COMMD8: variants seen among roughly 807,000 people sequenced by gnomAD.
COMMD8 encodes the protein COMM domain containing 8.
Under a neutral mutation model 27.2 loss-of-function variants are expected in COMMD8, and 28 were observed. The observed-to-expected ratio is 1.03, with a 90% CI of 0.76 to 1.41. COMMD8 has a LOEUF of 1.41. Among genes scored for constraint, COMMD8 ranks in the 40% most tolerant of loss-of-function variants. COMMD8 has a pLI of 0.00. For missense variants in COMMD8, 217 were observed against 211.2 expected (o/e 1.03, Z -0.17); for synonymous variants, 79 against 75.5 (o/e 1.05, Z -0.24).
Position 47,451,396 on chromosome 4 carries a change from C to A in COMMD8, c.*249G>T. 1 of 396,006 alleles carries A rather than the reference C, an allele frequency of 2.5e-6. No individual in the cohort carries two copies. The highest frequency in any genetic ancestry group is 4.5e-6 in the Non-Finnish European group (1 of 223,598). 24.5% of individuals were successfully genotyped at this position (396,006 alleles called of 1,614,324 possible). A position where few individuals can be genotyped will look rare whatever the true frequency, so the allele number is the denominator to read the frequency against. ...TTTCTCAAATATTTAATAAATGAGGCAAAACAATCATGAAAATATAAACTG... is the reference window on the plus strand; with the variant it reads ...TTTCTCAAATATTTAATAAATGAGGAAAAACAATCATGAAAATATAAACTG... On this transcript the variant is annotated 3_prime_UTR_variant, in exon 5 of 5. Transcript: ENST00000381571.
chr4:47,453,979 T>G lies in COMMD8; in HGVS notation c.376-765A>C, dbSNP rs1729823122. 2.0e-5 allele frequency among the ~76,000 whole-genome samples: 3 copies of G among 152,174 alleles called. No individual in the cohort carries two copies. In the South Asian group the frequency reaches 6.2e-4, roughly 31 times the overall value. ...TAATGACCTCAAAGGATCTCCCTTG[T>G]GGTACATACACTATAGAATCAAATC... On this transcript the variant is annotated intron_variant, in intron 3 of 4. Transcript: ENST00000381571.
At chr4:47,459,592 A>G (rs1729969996) in intron 2 of COMMD8, among the ~76,000 whole-genome samples, 1 of 152,192 alleles carries the variant, frequency 6.6e-6, no homozygotes, top group African/African-American at 2.4e-5. Flanking sequence ...TACACTAACT[A>G]GATCCATGTT....
At chr4:47,454,608 G>A (rs58507357) in intron 3 of COMMD8, among the ~76,000 whole-genome samples, 2,244 of 152,250 alleles carry the variant, frequency 0.015, 51 homozygotes, top group African/African-American at 0.051. Flanking sequence ...GCTCACGCCT[G>A]TAATCCCAGC....
intron 3 of COMMD8, 67 bp from the exon 4 acceptor site, chr4:47,453,281 G>C: frequency 1.5e-6 from 2 of 1,321,684 alleles, no homozygotes; most frequent in East Asian, 2.4e-5. Flanking sequence ...ATACATCAGA[G>C]GTTAGTTAGC....
intron 2 of COMMD8, chr4:47,459,922 T>C (rs754484971): frequency 2.3e-5 from 9 of 391,834 alleles, no homozygotes; most frequent in African/African-American, 4.2e-5. Context: ...AGTTATATAA[T>C]TTCTTGTTTT....
rs1238893740 is a variant in COMMD8 at position 47,463,620 on chromosome 4, C to A, written c.32G>T (p.Arg11Leu). The A allele has an allele frequency of 6.5e-7, 1 of 1,548,650 alleles. No homozygotes were observed. Among genetic ancestry groups the A allele is most frequent in the East Asian group, 2.4e-5 (1 of 40,856 alleles). The change falls in exon 1 of 5, where the codon CGG becomes CTG. Residue 11 changes from arginine (R) to leucine (L), a missense_variant. By Grantham distance (102) the Arg-to-Leu change is moderately radical (BLOSUM62 -2). Transcript: ENST00000381571. ...CAGCTCGGCCGGCAGCTTCTGCAGC[C>A]GCCACAAGGGCGTCCCCTCTTCCGG... is the stretch of plus-strand genomic sequence containing the variant. Reference protein sequence around the residue: MEPEEGTPLWRLQKLPAELGP... With the variant: MEPEEGTPLWLLQKLPAELGP...
At chr4:47,459,384 T>C (rs2109357197) in intron 2 of COMMD8, among the ~76,000 whole-genome samples, 1 of 152,210 alleles carries the variant, frequency 6.6e-6, no homozygotes, top group East Asian at 1.9e-4. Flanking sequence ...GGAAGAAGGA[T>C]ATCCTATGAC....
intron 1 of COMMD8, among the ~76,000 whole-genome samples, chr4:47,460,891 A>G (rs1040572984): frequency 6.6e-6 from 1 of 152,168 alleles, no homozygotes; most frequent in African/African-American, 2.4e-5. Context: ...TAGTATCTTA[A>G]TATCAGCAAC....
intron 3 of COMMD8, among the ~76,000 whole-genome samples, chr4:47,454,439 G>C (rs1729834160): frequency 6.6e-6 from 1 of 152,048 alleles, no homozygotes; most frequent in Non-Finnish European, 1.5e-5. Flanking sequence ...TTAAGTTCCT[G>C]GTCATTCTTT....
Position 47,463,655 on chromosome 4 carries a change from T to G in COMMD8, c.-4A>C, listed in dbSNP as rs746651945. The stretch of plus-strand genomic sequence containing the variant: ...GCGTCCCCTCTTCCGGCTCCATCCC[T>G]GCGCGAAGCTGGGGCTTGGGTCACG... On this transcript the variant is annotated 5_prime_UTR_variant, in exon 1 of 5. Transcript: ENST00000381571. 1.3e-6 allele frequency: 2 copies of G among 1,547,926 alleles called. No homozygotes were observed. The highest frequency in any genetic ancestry group is 8.7e-7 in the Non-Finnish European group (1 of 1,145,654).
At chr4:47,460,018 C>A in intron 2 of COMMD8, 126 bp downstream of exon 2, 1 of 689,492 alleles carries the variant, frequency 1.5e-6, no homozygotes, top group Non-Finnish European at 2.2e-6. Flanking sequence ...CAGATTTTTC[C>A]ATTCACAATT....
chr4:47,458,068 A>C (rs1348067857), intron 2 of COMMD8, among the ~76,000 whole-genome samples: 1 of 152,112 alleles, frequency 6.6e-6, no homozygotes, highest in Non-Finnish European at 1.5e-5. Flanking sequence ...CATAAAATTC[A>C]ATATCCATTC....
intron 4 of COMMD8, 21 bp from the exon 5 acceptor site, chr4:47,451,686 G>T (rs1729757563): frequency 6.4e-7 from 1 of 1,557,246 alleles, no homozygotes. Flanking sequence ...AAATTGAAGA[G>T]AAAATATCAG....
At chr4:47,454,731 G>C (rs1372047606) in intron 3 of COMMD8, among the ~76,000 whole-genome samples, 2 of 151,738 alleles carry the variant, frequency 1.3e-5, no homozygotes, top group Admixed American at 1.3e-4. Context: ...CAGGCGTGGT[G>C]GCACATGCCT....
chr4:47,460,380 G>A, intron 1 of COMMD8, 81 bp from the exon 2 acceptor site: 2 of 1,193,190 alleles, frequency 1.7e-6, no homozygotes, highest in Non-Finnish European at 1.2e-6. Context: ...AACAAATGTT[G>A]GGAGATGTTC....
At chr4:47,453,000 CA>C (rs924120785) in intron 4 of COMMD8, 58 bp downstream of exon 4, 351 of 1,442,790 alleles carry the variant, frequency 2.4e-4, no homozygotes, top group South Asian at 5.3e-4. Flanking sequence ...CCAACGCAAA[CA>C]AAAAAAAACC....
At position 47,451,597 on chromosome 4, in the gene COMMD8, T is replaced by C. The variant is rs200250785; in HGVS notation, c.*48A>G. The C allele has an allele frequency of 2.7e-6, 4 of 1,498,404 alleles. No individual in the cohort carries two copies. Among genetic ancestry groups the C allele is most frequent in the Non-Finnish European group, 3.7e-6 (4 of 1,080,928 alleles). The allele number at this position is 1,498,404 out of a possible 1,614,324, so 92.8% of individuals were successfully genotyped here. On this transcript the variant is annotated 3_prime_UTR_variant, in exon 5 of 5. Transcript: ENST00000381571. ...AACACGCAGTATTCACTCTGCCATA[T>C]AAGTTGGAGCAATAAAATCTGATAG... is the stretch of plus-strand genomic sequence containing the variant.
At chr4:47,452,764 G>C (rs1487396359) in intron 4 of COMMD8, among the ~76,000 whole-genome samples, 1 of 152,240 alleles carries the variant, frequency 6.6e-6, no homozygotes, top group Non-Finnish European at 1.5e-5. Context: ...GGGAGGCCAA[G>C]GCGAGTAGAT....
At position 47,463,131 on chromosome 4, in the gene COMMD8, A is replaced by G. The variant is rs921782835; in HGVS notation, c.66+455T>C. Among the ~76,000 whole-genome samples the G allele has an allele frequency of 3.3e-5, 5 of 151,794 alleles. No homozygotes were observed. The South Asian group carries it at 1.0e-3, about 32-fold the overall frequency. ...ATCACCTCTTGGGACGATCCTAACT[A>G]AAGTAACTCGCCCAGTTATTTCTCT... is the stretch of plus-strand genomic sequence containing the variant. On this transcript the variant is annotated intron_variant, in intron 1 of 4. Transcript: ENST00000381571.
Sources: gnomAD v4.1 joint callset for allele counts (sites outside exome capture counted in the v4.1 genomes callset) on GRCh38, gnomAD v4.1.1 for gene constraint, MANE v1.5 for transcripts, NCBI Gene and HGNC (gene_info 2026-07-23, HGNC 2026-07-21) for gene names.